ROBO1: variants seen among roughly 807,000 people sequenced by gnomAD.
ROBO1 encodes the protein roundabout homolog 1.
Under a neutral mutation model 195.9 loss-of-function variants are expected in ROBO1, and 149 were observed. The ratio of observed to expected loss-of-function variants is 0.76; its 90% CI spans 0.67 to 0.87. ROBO1 has a LOEUF of 0.87. Ranked by LOEUF, ROBO1 falls within the 40% of genes least tolerant of loss-of-function variation. ROBO1 has a pLI of 0.00. For missense variants in ROBO1, 1,933 were observed against 2,068.3 expected (o/e 0.93, Z 1.27); for synonymous variants, 816 against 733.2 (o/e 1.11, Z -1.82).
intron 1 of ROBO1, among the ~76,000 whole-genome samples, chr3:79,686,426 A>G (rs1292739713): frequency 6.6e-6 from 1 of 152,168 alleles, no homozygotes. Context: ...AGAGGAAGTC[A>G]AATTGTCCCT....
At chr3:78,970,077 T>C (rs1433512803) in intron 3 of ROBO1, among the ~76,000 whole-genome samples, 2 of 152,124 alleles carry the variant, frequency 1.3e-5, no homozygotes, top group Non-Finnish European at 2.9e-5. Flanking sequence ...TTTCTTAAAA[T>C]GAGAGGACAG....
At chr3:79,278,645 G>A (rs1559785525) in intron 2 of ROBO1, among the ~76,000 whole-genome samples, 2 of 152,136 alleles carry the variant, frequency 1.3e-5, no homozygotes, top group Non-Finnish European at 2.9e-5. Flanking sequence ...ATATGCAGAA[G>A]AAGGAATCTA....
At chr3:79,617,513 G>A (rs1327966901) in intron 1 of ROBO1, among the ~76,000 whole-genome samples, 7 of 151,952 alleles carry the variant, frequency 4.6e-5, no homozygotes, top group African/African-American at 1.7e-4. Context: ...AGAATTGAAG[G>A]CAGACAATTA....
intron 4 of ROBO1, among the ~76,000 whole-genome samples, chr3:78,765,475 A>G (rs1392012434): frequency 6.6e-6 from 1 of 152,164 alleles, no homozygotes; most frequent in African/African-American, 2.4e-5. Flanking sequence ...AAATTACATT[A>G]AAGTAAAACA....
At chr3:79,425,128 AATAAATG>A in intron 2 of ROBO1, among the ~76,000 whole-genome samples, 1 of 152,164 alleles carries the variant, frequency 6.6e-6, no homozygotes, top group African/African-American at 2.4e-5. Context: ...CTCCATCTTC[AATAAATG>A]CATATGACTA....
intron 1 of ROBO1, among the ~76,000 whole-genome samples, chr3:79,687,893 T>A (rs1947176049): frequency 6.6e-6 from 1 of 152,124 alleles, no homozygotes; most frequent in Non-Finnish European, 1.5e-5. Context: ...GGATTATAAA[T>A]CATGCTGCTA....
intron 3 of ROBO1, among the ~76,000 whole-genome samples, chr3:78,993,812 T>C (rs893686943): frequency 6.6e-6 from 1 of 152,180 alleles, no homozygotes; most frequent in African/African-American, 2.4e-5. Flanking sequence ...AAAAACAAGA[T>C]GTTCTCTAAA....
intron 1 of ROBO1, among the ~76,000 whole-genome samples, chr3:79,602,993 A>C (rs1014768853): frequency 6.6e-6 from 1 of 152,014 alleles, no homozygotes; most frequent in Non-Finnish European, 1.5e-5. Flanking sequence ...AAATGTATAC[A>C]CACATACATT....
intron 3 of ROBO1, among the ~76,000 whole-genome samples, chr3:79,036,737 T>C (rs1038789657): frequency 6.6e-6 from 1 of 152,212 alleles, no homozygotes; most frequent in Non-Finnish European, 1.5e-5. Context: ...AAATTCGATA[T>C]TTTAAGTTGA....
chr3:78,968,449 T>C (rs2076694634), intron 3 of ROBO1, among the ~76,000 whole-genome samples: 1 of 151,852 alleles, frequency 6.6e-6, no homozygotes, highest in Non-Finnish European at 1.5e-5. Context: ...GCCCAGCTAC[T>C]TTCACCATGA....
At chr3:78,876,046 A>G (rs1429383313) in intron 4 of ROBO1, among the ~76,000 whole-genome samples, 2 of 152,096 alleles carry the variant, frequency 1.3e-5, no homozygotes, top group African/African-American at 4.8e-5. Flanking sequence ...TTATAAGAAC[A>G]GTAAAATGAC....
intron 5 of ROBO1, among the ~76,000 whole-genome samples, chr3:78,727,031 T>C (rs1236294593): frequency 6.6e-6 from 1 of 152,092 alleles, no homozygotes; most frequent in Non-Finnish European, 1.5e-5. Flanking sequence ...TGTTAGACAG[T>C]TCAGATTAAA....
At chr3:79,252,624 A>T (rs1427121603) in intron 2 of ROBO1, among the ~76,000 whole-genome samples, 1 of 152,158 alleles carries the variant, frequency 6.6e-6, no homozygotes, top group African/African-American at 2.4e-5. Context: ...GGAACTAATA[A>T]AGCATGTACC....
chr3:78,712,003 C>A (rs1159608710), intron 8 of ROBO1, among the ~76,000 whole-genome samples: 1 of 75,422 alleles, frequency 1.3e-5, no homozygotes, highest in Admixed American at 2.0e-4. Flanking sequence ...TTTGGGATTA[C>A]AAGAAGACCT....
chr3:79,531,922 G>C (rs568828090), intron 2 of ROBO1, among the ~76,000 whole-genome samples: 31 of 152,298 alleles, frequency 2.0e-4, no homozygotes, highest in African/African-American at 6.3e-4. Context: ...ATAAATTGTA[G>C]AGATAGTAGG....
chr3:79,492,227 C>A (rs982675896), intron 2 of ROBO1, among the ~76,000 whole-genome samples: 12 of 152,004 alleles, frequency 7.9e-5, no homozygotes, highest in African/African-American at 2.9e-4. Flanking sequence ...GAGTTTGATA[C>A]CAGCCTGATC....
At chr3:79,729,631 G>T (rs1390632687) in intron 1 of ROBO1, among the ~76,000 whole-genome samples, 1 of 152,106 alleles carries the variant, frequency 6.6e-6, no homozygotes, top group Non-Finnish European at 1.5e-5. Flanking sequence ...ACTGCCTAAA[G>T]CTTATACACA....
At chr3:79,599,239 A>G (rs1316100690) in intron 1 of ROBO1, among the ~76,000 whole-genome samples, 1 of 152,048 alleles carries the variant, frequency 6.6e-6, no homozygotes, top group African/African-American at 2.4e-5. Flanking sequence ...AAGCCTGAAA[A>G]GAGTCAAACT....
At chr3:78,762,370 C>G (rs965813956) in intron 4 of ROBO1, among the ~76,000 whole-genome samples, 1 of 151,920 alleles carries the variant, frequency 6.6e-6, no homozygotes, top group South Asian at 2.1e-4. Flanking sequence ...GACCTAAATA[C>G]TAAAAGTTAG....
Sources: gnomAD v4.1 joint callset for allele counts (sites outside exome capture counted in the v4.1 genomes callset) on GRCh38, gnomAD v4.1.1 for gene constraint, MANE v1.5 for transcripts, NCBI Gene and HGNC (gene_info 2026-07-23, HGNC 2026-07-21) for gene names.